DLG2: variants seen among roughly 807,000 people sequenced by gnomAD.
DLG2 encodes discs large MAGUK scaffold protein 2.
A neutral mutation model predicts 132.5 loss-of-function variants in DLG2; 45 were observed. The observed-to-expected ratio is 0.34, with a 90% confidence interval of 0.27 to 0.44. The LOEUF (loss-of-function observed/expected upper bound fraction) is 0.44, where lower values mean the gene tolerates loss of function less well. Among genes scored for constraint, DLG2 ranks in the 20% least tolerant of loss-of-function variants. The pLI, the probability that DLG2 is intolerant of heterozygous loss-of-function variation, is 1.00. For missense variants in DLG2, 1,045 were observed against 1,196.9 expected, an observed-to-expected ratio of 0.87 and a Z score of 1.87; for synonymous variants, 424 against 419.6, an observed-to-expected ratio of 1.01 and a Z score of -0.13.
chr11:84,881,564 G>T (rs2087347599), intron 6 of DLG2, among the ~76,000 whole-genome samples: 3 of 152,082 alleles, frequency 2.0e-5, no homozygotes, highest in Admixed American at 2.0e-4. Context: ...ACATGATTGT[G>T]CACAATTGTC....
At chr11:84,884,442 C>G (rs2087887762) in intron 6 of DLG2, among the ~76,000 whole-genome samples, 1 of 152,028 alleles carries the variant, frequency 6.6e-6, no homozygotes, top group South Asian at 2.1e-4. Context: ...TTAAAAGGAA[C>G]TAAAAAATAA....
intron 4 of DLG2, among the ~76,000 whole-genome samples, chr11:85,251,355 C>T (rs1352579149): frequency 3.3e-5 from 5 of 152,042 alleles, no homozygotes; most frequent in Admixed American, 2.0e-4. Flanking sequence ...TGTAGCACAT[C>T]GTTATATATA....
intron 8 of DLG2, among the ~76,000 whole-genome samples, chr11:84,215,435 A>ATT (rs148554094): frequency 1.6e-4 from 24 of 151,540 alleles, no homozygotes; most frequent in Admixed American, 8.5e-4. Context: ...ACTATCAATT[A>ATT]TTTTTTTTTC....
rs1273750501 is a variant in DLG2, at chr11:84,759,623, C to G, written c.358-224892G>C. ...GTAGTTATTGGGAAGTATGGACCACCCTATTTTTATGAAATAAAAGTTTGT... is the reference window on the plus strand; with the variant it reads ...GTAGTTATTGGGAAGTATGGACCACGCTATTTTTATGAAATAAAAGTTTGT... On this transcript the variant is annotated intron_variant, in intron 6 of 27. Transcript: ENST00000376104. Among the ~76,000 whole-genome samples, 3 of 152,060 alleles carry G rather than the reference C, an allele frequency of 2.0e-5. No homozygotes were observed. The South Asian group carries it at 6.2e-4, about 31-fold the overall frequency.
intron 6 of DLG2, among the ~76,000 whole-genome samples, chr11:84,848,059 G>A (rs138052534): frequency 5.5e-4 from 83 of 152,244 alleles, no homozygotes; most frequent in African/African-American, 1.9e-3. Context: ...TCAGAGGATG[G>A]AGCCAGAAGC....
chr11:83,750,548 ATTCATCTCTACT>A (rs1218172342), intron 18 of DLG2, among the ~76,000 whole-genome samples: 11 of 152,214 alleles, frequency 7.2e-5, no homozygotes, highest in African/African-American at 2.7e-4. Flanking sequence ...TGTACCCTAC[ATTCATCTCTACT>A]TTCATCTGTT....
At chr11:84,365,013 G>T (rs1157296175) in intron 7 of DLG2, among the ~76,000 whole-genome samples, 8 of 152,112 alleles carry the variant, frequency 5.3e-5, no homozygotes, top group African/African-American at 1.9e-4. Context: ...GTATCAGGAT[G>T]ATGCTGGCCT....
intron 7 of DLG2, among the ~76,000 whole-genome samples, chr11:84,329,928 T>C (rs898432741): frequency 6.6e-6 from 1 of 152,168 alleles, no homozygotes; most frequent in Admixed American, 6.5e-5. Flanking sequence ...CCAAACCAAC[T>C]CTGACCATTA....
At chr11:85,442,556 A>C (rs189331295) in intron 3 of DLG2, among the ~76,000 whole-genome samples, 85 of 152,278 alleles carry the variant, frequency 5.6e-4, no homozygotes, top group African/African-American at 2.0e-3. Flanking sequence ...GGATAGCAAA[A>C]GAGAAATTAA....
chr11:83,617,553 G>A (rs183528450), intron 19 of DLG2, among the ~76,000 whole-genome samples: 1 of 152,188 alleles, frequency 6.6e-6, no homozygotes, highest in East Asian at 1.9e-4. Context: ...TAAACATACA[G>A]AATTATGTTA....
intron 19 of DLG2, among the ~76,000 whole-genome samples, chr11:83,625,541 A>C (rs1301584234): frequency 6.6e-6 from 1 of 152,202 alleles, no homozygotes; most frequent in East Asian, 1.9e-4. Context: ...CCAGAACAAA[A>C]GCTCAAAGGC....
intron 7 of DLG2, among the ~76,000 whole-genome samples, chr11:84,384,077 A>G (rs556160418): frequency 2.7e-5 from 4 of 147,948 alleles, no homozygotes; most frequent in African/African-American, 1.0e-4. Context: ...CATCTAGTAT[A>G]GGAAGCTCTC....
At chr11:83,981,494 T>G (rs1452082315) in intron 11 of DLG2, among the ~76,000 whole-genome samples, 2 of 152,136 alleles carry the variant, frequency 1.3e-5, no homozygotes, top group Non-Finnish European at 2.9e-5. Flanking sequence ...CAGGCTGGAG[T>G]GCAGTGGTAT....
intron 3 of DLG2, among the ~76,000 whole-genome samples, chr11:85,311,603 A>G (rs1396010428): frequency 6.6e-6 from 1 of 152,004 alleles, no homozygotes; most frequent in Non-Finnish European, 1.5e-5. Flanking sequence ...AAATTGTCCC[A>G]TCATTGAATA....
At chr11:85,095,967 C>T (rs549339321) in intron 6 of DLG2, among the ~76,000 whole-genome samples, 1 of 152,198 alleles carries the variant, frequency 6.6e-6, no homozygotes, top group Non-Finnish European at 1.5e-5. Context: ...GGAGAACCTT[C>T]GTGTCTAGCT....
intron 11 of DLG2, among the ~76,000 whole-genome samples, chr11:83,988,744 G>C (rs1365158449): frequency 6.6e-6 from 1 of 152,030 alleles, no homozygotes; most frequent in East Asian, 1.9e-4. Context: ...GCTTCTTTCA[G>C]GGCTTTGTTC....
chr11:85,225,734 T>C (rs887844642), intron 4 of DLG2, among the ~76,000 whole-genome samples: 2 of 152,156 alleles, frequency 1.3e-5, no homozygotes, highest in African/African-American at 2.4e-5. Flanking sequence ...GCAGATATTC[T>C]GCTGCCACTC....
intron 3 of DLG2, among the ~76,000 whole-genome samples, chr11:85,304,671 A>C (rs140619124): frequency 6.6e-6 from 1 of 152,188 alleles, no homozygotes; most frequent in African/African-American, 2.4e-5. Flanking sequence ...ATTGAAATCC[A>C]AAACACTTCT....
intron 6 of DLG2, among the ~76,000 whole-genome samples, chr11:85,056,535 G>T (rs1048475799): frequency 6.6e-6 from 1 of 151,984 alleles, no homozygotes; most frequent in Non-Finnish European, 1.5e-5. Context: ...AACGAAGTGT[G>T]TGTCAATGGA....
Sources: allele counts gnomAD v4.1 joint callset (sites outside exome capture counted in the v4.1 genomes callset), GRCh38; gene constraint gnomAD v4.1.1; transcripts MANE v1.5; gene names NCBI Gene and HGNC (gene_info 2026-07-23, HGNC 2026-07-21).